The following CMC2 variants were observed in gnomAD, a reference collection of about 807,000 sequenced individuals.
CMC2 encodes the protein COX assembly mitochondrial protein 2 homolog.
A neutral mutation model predicts 7.5 loss-of-function variants in CMC2; 5 were observed. The ratio of observed to expected loss-of-function variants is 0.66; its 90% CI spans 0.35 to 1.40. The LOEUF is 1.40. CMC2 is among the 40% of genes most tolerant of loss of function. The pLI is 0.04. For missense variants in CMC2, 115 were observed against 92.3 expected (o/e 1.25, Z -1.01); for synonymous variants, 37 against 31.4 (o/e 1.18, Z -0.60).
Position 80,984,280 on chromosome 16 carries a change from TATA to T in CMC2, c.82-2406_82-2404del, listed in dbSNP as rs145276382. 2.3e-3 allele frequency among the ~76,000 whole-genome samples: 351 copies of T among 152,342 alleles called. 2 individuals carry two copies. The highest frequency in any genetic ancestry group is 7.7e-3 in the African/African-American group (321 of 41,576). ...GGTCAGACAGCATGGTGATCTGTTT[TATA>T]ATGACAGGTCATAAATGCTGAACTT... On this transcript the variant is annotated intron_variant, in intron 2 of 3. Coordinates refer to ENST00000219400, the MANE Select transcript of CMC2 (RefSeq NM_020188.5).
At chr16:80,996,377 A>G (rs1187178372) in intron 2 of CMC2, among the ~76,000 whole-genome samples, 1 of 152,198 alleles carries the variant, frequency 6.6e-6, no homozygotes, top group Non-Finnish European at 1.5e-5. Context: ...TAACACAAAT[A>G]ATTAGTTCTT....
At position 80,975,851 on chromosome 16, in the gene CMC2, G is replaced by T. The variant is rs975087038; in HGVS notation, c.*242C>A. 7 of 357,768 alleles carry T rather than the reference G, an allele frequency of 2.0e-5. No individual in the cohort carries two copies. Among genetic ancestry groups the T allele is most frequent in the African/African-American group, 1.3e-4 (6 of 46,898 alleles). 22.2% of individuals were successfully genotyped at this position (357,768 alleles called of 1,614,324 possible). A position where few individuals can be genotyped will look rare whatever the true frequency, so the allele number is the denominator to read the frequency against. On this transcript the variant is annotated 3_prime_UTR_variant, in exon 4 of 4. Transcript: ENST00000219400. ...AGATAAGTTACTCAGATATTAACTG[G>T]TTGTAGGCAAAGGGAATAAACATGG...
At chr16:80,993,579 G>A (rs571454097) in intron 2 of CMC2, among the ~76,000 whole-genome samples, 7 of 152,272 alleles carry the variant, frequency 4.6e-5, no homozygotes, top group Admixed American at 2.0e-4. Context: ...GCTGAAAAAC[G>A]CAGAGCTCAC....
At chr16:80,978,517 A>G in intron 3 of CMC2, 1 of 480,906 alleles carries the variant, frequency 2.1e-6, no homozygotes, top group South Asian at 1.8e-5. Context: ...ACCAAACAAA[A>G]CAATTAAGAG....
At chr16:80,977,858 G>T (rs768349930) in intron 3 of CMC2, among the ~76,000 whole-genome samples, 2 of 152,134 alleles carry the variant, frequency 1.3e-5, no homozygotes. Flanking sequence ...GATCACCTGA[G>T]GTCAGGAGTT....
chr16:80,988,513 A>T, intron 2 of CMC2: 3 of 694,696 alleles, frequency 4.3e-6, no homozygotes, highest in Non-Finnish European at 7.8e-6. Context: ...CATTTCACCA[A>T]ATTTGCTTTA....
chr16:80,996,236 C>T (rs1295363746), intron 2 of CMC2, among the ~76,000 whole-genome samples: 3 of 152,162 alleles, frequency 2.0e-5, no homozygotes, highest in African/African-American at 7.2e-5. Context: ...CTGGCAAAAT[C>T]CTCAATAACA....
intron 2 of CMC2, 108 bp from the exon 3 acceptor site, chr16:80,981,985 T>C (rs528880317): frequency 1.8e-5 from 11 of 626,462 alleles, no homozygotes; most frequent in African/African-American, 1.7e-4. Flanking sequence ...GTCACTTTGT[T>C]AATAAACAAG....
At chr16:80,985,362 C>T (rs1320628581) in intron 2 of CMC2, among the ~76,000 whole-genome samples, 1 of 152,104 alleles carries the variant, frequency 6.6e-6, no homozygotes, top group African/African-American at 2.4e-5. Context: ...TAGAGGCAGA[C>T]ATGAGAATTC....
chr16:80,993,416 A>C (rs1192504413), intron 2 of CMC2, among the ~76,000 whole-genome samples: 1 of 152,184 alleles, frequency 6.6e-6, no homozygotes, highest in Non-Finnish European at 1.5e-5. Context: ...AGGCTGGGGC[A>C]GCCGGAATTT....
chr16:80,989,844 T>A (rs895214042), intron 2 of CMC2, among the ~76,000 whole-genome samples: 3 of 152,238 alleles, frequency 2.0e-5, no homozygotes, highest in Admixed American at 2.0e-4. Flanking sequence ...GTCTACAATA[T>A]GTTTACTTAT....
chr16:81,002,742 G>A (rs1305247798), intron 1 of CMC2, among the ~76,000 whole-genome samples: 1 of 152,138 alleles, frequency 6.6e-6, no homozygotes, highest in Non-Finnish European at 1.5e-5. Flanking sequence ...AATCAGGGTA[G>A]GGTACCAATA....
chr16:80,987,258 G>T (rs1332355312), intron 2 of CMC2, among the ~76,000 whole-genome samples: 1 of 152,038 alleles, frequency 6.6e-6, no homozygotes, highest in Non-Finnish European at 1.5e-5. Flanking sequence ...ATTTTCTCAC[G>T]ATGGAAAAAA....
rs141889666 is a variant in CMC2 at position 80,999,842 on chromosome 16, G to C, written c.-35-2413C>G. ...TAAATGGTGCTGGGATAGTTGGCTAGCTATATGCAGAAGAATAAAAGTGGA... is the reference window on the plus strand; with the variant it reads ...TAAATGGTGCTGGGATAGTTGGCTACCTATATGCAGAAGAATAAAAGTGGA... On this transcript the variant is annotated intron_variant, in intron 1 of 3. Coordinates refer to ENST00000219400, the MANE Select transcript of CMC2 (RefSeq NM_020188.5). Among the ~76,000 whole-genome samples, 283 of 152,288 alleles carry C rather than the reference G, an allele frequency of 1.9e-3. 2 individuals are homozygous for C. The highest frequency in any genetic ancestry group is 6.3e-3 in the African/African-American group (260 of 41,560).
intron 2 of CMC2, among the ~76,000 whole-genome samples, chr16:80,989,322 G>C (rs1967791152): frequency 6.6e-6 from 1 of 152,072 alleles, no homozygotes; most frequent in Non-Finnish European, 1.5e-5. Flanking sequence ...TCTACTGTAA[G>C]GGAAACTTTC....
At chr16:80,994,874 G>A (rs151213459) in intron 2 of CMC2, among the ~76,000 whole-genome samples, 112 of 152,230 alleles carry the variant, frequency 7.4e-4, no homozygotes, top group African/African-American at 2.2e-3. Flanking sequence ...GGCTGGGTGC[G>A]GTGGCTCATG....
At chr16:80,987,287 C>T (rs1473305716) in intron 2 of CMC2, among the ~76,000 whole-genome samples, 1 of 151,828 alleles carries the variant, frequency 6.6e-6, no homozygotes, top group Non-Finnish European at 1.5e-5. Flanking sequence ...TTTCAAAATG[C>T]TAATAAGAAG....
chr16:80,969,912 G>A lies in CMC2; in HGVS notation c.*6181C>T, dbSNP rs1423556917. 6.6e-6 allele frequency: 1 copy of A among 152,080 alleles called. No homozygotes were observed. Among genetic ancestry groups the A allele is most frequent in the East Asian group, 1.9e-4 (1 of 5,194 alleles). The allele number at this position is 152,080 out of a possible 1,614,324, so 9.4% of individuals were successfully genotyped here. A position where few individuals can be genotyped will look rare whatever the true frequency, so the allele number is the denominator to read the frequency against. On this transcript the variant is annotated 3_prime_UTR_variant, in exon 4 of 4. Transcript: ENST00000219400. The stretch of plus-strand genomic sequence containing the variant: ...TCAATTAGAAAAGAAAAAAACCCAT[G>A]GAATATTGTTCCCATGAGAACTTCC...
At chr16:80,981,503 T>C (rs1376775962) in intron 3 of CMC2, among the ~76,000 whole-genome samples, 1 of 152,226 alleles carries the variant, frequency 6.6e-6, no homozygotes, top group African/African-American at 2.4e-5. Context: ...GTGACTGATA[T>C]AAGTCTTTCT....
Sources: gnomAD v4.1 joint callset for allele counts (sites outside exome capture counted in the v4.1 genomes callset) on GRCh38, gnomAD v4.1.1 for gene constraint, MANE v1.5 for transcripts, NCBI Gene and HGNC (gene_info 2026-07-23, HGNC 2026-07-21) for gene names.